Variants in CSMD1 observed in about 807,000 individuals in gnomAD.
The protein encoded by CSMD1 is CUB and sushi domain-containing protein 1.
A neutral mutation model predicts 417.5 loss-of-function variants in CSMD1; 213 were observed. The observed-to-expected ratio is 0.51, with a 90% confidence interval of 0.46 to 0.57. The LOEUF (loss-of-function observed/expected upper bound fraction) is 0.57, where lower values mean the gene tolerates loss of function less well. CSMD1 is among the 20% of genes least tolerant of loss of function. The pLI is 0.00. For synonymous variants in CSMD1, 2,862 were observed against 1,736.8 expected, an observed-to-expected ratio of 1.65 and a Z score of -16.11; for missense variants, 6,923 against 4,529.7, an observed-to-expected ratio of 1.53 and a Z score of -15.17.
chr8:3,587,411 T>C (rs997403984), intron 8 of CSMD1, among the ~76,000 whole-genome samples: 1 of 152,152 alleles, frequency 6.6e-6, no homozygotes, highest in African/African-American at 2.4e-5. Flanking sequence ...CGGGTTGATG[T>C]TGAGGAAACA....
intron 3 of CSMD1, among the ~76,000 whole-genome samples, chr8:4,148,328 T>A (rs56340973): frequency 8.3e-5 from 11 of 132,730 alleles, no homozygotes; most frequent in Non-Finnish European, 1.7e-4. Flanking sequence ...TGAGAACACA[T>A]AGACAGAGGA....
intron 6 of CSMD1, among the ~76,000 whole-genome samples, chr8:3,731,811 T>C (rs1796279070): frequency 6.6e-6 from 1 of 152,162 alleles, no homozygotes; most frequent in Admixed American, 6.5e-5. Flanking sequence ...ATGTGATGTT[T>C]CATTTACTCC....
intron 5 of CSMD1, among the ~76,000 whole-genome samples, chr8:3,857,752 A>G (rs906064372): frequency 1.3e-5 from 2 of 152,204 alleles, no homozygotes; most frequent in African/African-American, 2.4e-5. Context: ...CAGAGCTTCT[A>G]TAGGTAAAAA....
intron 3 of CSMD1, among the ~76,000 whole-genome samples, chr8:4,040,261 C>G (rs1311593747): frequency 6.6e-6 from 1 of 152,134 alleles, no homozygotes; most frequent in African/African-American, 2.4e-5. Context: ...TCATAATAAC[C>G]GGAAATACTT....
chr8:3,726,377 C>G (rs1045148650), intron 6 of CSMD1, among the ~76,000 whole-genome samples: 12 of 152,314 alleles, frequency 7.9e-5, no homozygotes, highest in African/African-American at 2.9e-4. Context: ...CCACCACCAT[C>G]TTTCAGGCTA....
chr8:3,506,129 C>T (rs6983339), intron 10 of CSMD1, among the ~76,000 whole-genome samples: 136,993 of 152,208 alleles, frequency 0.9, 61,885 homozygotes, highest in African/African-American at 0.97. Context: ...GTGATAGGTG[C>T]GGCGGCCAGC....
chr8:3,961,271 A>G (rs1812302072), intron 5 of CSMD1, among the ~76,000 whole-genome samples: 2 of 152,306 alleles, frequency 1.3e-5, no homozygotes, highest in South Asian at 2.1e-4. Flanking sequence ...TTATAAGCAT[A>G]AAAGTTATAT....
At chr8:4,501,333 G>C (rs1049768771) in intron 2 of CSMD1, among the ~76,000 whole-genome samples, 3 of 152,076 alleles carry the variant, frequency 2.0e-5, no homozygotes, top group Admixed American at 2.0e-4. Context: ...AAGATTAACG[G>C]TCATCATCTC....
chr8:4,789,498 T>A (rs572101831), intron 1 of CSMD1, among the ~76,000 whole-genome samples: 2 of 152,324 alleles, frequency 1.3e-5, no homozygotes, highest in East Asian at 3.9e-4. Flanking sequence ...GGATAAATGC[T>A]AAAGCCACCT....
chr8:3,695,770 A>G (rs1024919064), intron 7 of CSMD1, among the ~76,000 whole-genome samples: 1 of 152,232 alleles, frequency 6.6e-6, no homozygotes, highest in Non-Finnish European at 1.5e-5. Context: ...TATTCAATAC[A>G]TGATGAACTG....
At chr8:4,637,315 C>T (rs773718837) in intron 2 of CSMD1, 27 bp downstream of exon 2, 2 of 1,514,200 alleles carry the variant, frequency 1.3e-6, no homozygotes, top group South Asian at 1.1e-5. Flanking sequence ...ACAGTGCTAA[C>T]TGTAATATAA....
At chr8:4,117,509 G>C (rs969130098) in intron 3 of CSMD1, among the ~76,000 whole-genome samples, 3 of 152,100 alleles carry the variant, frequency 2.0e-5, no homozygotes, top group East Asian at 3.9e-4. Context: ...ATCTCCCTCC[G>C]ACCAACTCTC....
intron 3 of CSMD1, among the ~76,000 whole-genome samples, chr8:4,159,987 A>G (rs1005081727): frequency 1.3e-5 from 2 of 152,216 alleles, no homozygotes; most frequent in East Asian, 3.9e-4. Flanking sequence ...ATTGGGTTCA[A>G]TGTATAATGC....
chr8:3,378,384 C>G (rs1810442544), intron 18 of CSMD1, among the ~76,000 whole-genome samples: 1 of 152,114 alleles, frequency 6.6e-6, no homozygotes, highest in Non-Finnish European at 1.5e-5. Flanking sequence ...GGGACTCCTC[C>G]CTAACTCATT....
chr8:4,601,793 A>G (rs1290479639), intron 2 of CSMD1, among the ~76,000 whole-genome samples: 1 of 152,190 alleles, frequency 6.6e-6, no homozygotes, highest in Non-Finnish European at 1.5e-5. Context: ...AAAAGTGAGT[A>G]AACTTGATTT....
At chr8:3,357,532 A>G (rs1196859541) in intron 21 of CSMD1, among the ~76,000 whole-genome samples, 1 of 152,242 alleles carries the variant, frequency 6.6e-6, no homozygotes, top group Non-Finnish European at 1.5e-5. Context: ...TAGACCACAG[A>G]GTAAAAACCT....
chr8:4,743,503 A>G (rs770844180), intron 1 of CSMD1, among the ~76,000 whole-genome samples: 5 of 151,644 alleles, frequency 3.3e-5, no homozygotes, highest in Non-Finnish European at 5.9e-5. Flanking sequence ...AGTACCATGA[A>G]CCTCCTGCTT....
intron 1 of CSMD1, among the ~76,000 whole-genome samples, chr8:4,747,693 C>T (rs1393778580): frequency 1.3e-5 from 2 of 152,074 alleles, no homozygotes; most frequent in Non-Finnish European, 2.9e-5. Flanking sequence ...AAGGCTTTTC[C>T]ACCTACCATC....
At chr8:4,044,431 C>A (rs904241842) in intron 3 of CSMD1, among the ~76,000 whole-genome samples, 2 of 152,090 alleles carry the variant, frequency 1.3e-5, no homozygotes, top group African/African-American at 2.4e-5. Flanking sequence ...CTCTAAAATT[C>A]TTTACCATAA....
Sources: allele counts gnomAD v4.1 joint callset (sites outside exome capture counted in the v4.1 genomes callset), GRCh38; gene constraint gnomAD v4.1.1; transcripts MANE v1.5; gene names NCBI Gene and HGNC (gene_info 2026-07-23, HGNC 2026-07-21).